The following TAX1BP1 variants were observed in gnomAD, a reference collection of about 807,000 sequenced individuals.
TAX1BP1 encodes the protein tax1-binding protein 1.
A neutral mutation model predicts 97.7 loss-of-function variants in TAX1BP1; 62 were observed. That is an observed-to-expected ratio of 0.63 (90% CI 0.52 to 0.78). The LOEUF (loss-of-function observed/expected upper bound fraction) is 0.78, where lower values mean the gene tolerates loss of function less well. Ranked by LOEUF, TAX1BP1 falls within the 30% of genes least tolerant of loss-of-function variation. The pLI is 0.00. For synonymous variants in TAX1BP1, 340 were observed against 304.2 expected, an observed-to-expected ratio of 1.12 and a Z score of -1.23; for missense variants, 867 against 916.1, an observed-to-expected ratio of 0.95 and a Z score of 0.69.
rs200880289 is a variant in TAX1BP1 at position 27,792,153 on chromosome 7, T to G, written c.1186T>G (p.Leu396Val). The G allele has an allele frequency of 7.2e-5, 116 of 1,613,846 alleles. No individual in the cohort carries two copies. Among genetic ancestry groups the G allele is most frequent in the East Asian group, 2.9e-4 (13 of 44,892 alleles). Reference protein sequence around the residue: ...RTMADLHTARLENEKVKKQLA... With the variant: ...RTMADLHTARVENEKVKKQLA... ...GATGGCAGACCTGCATACTGCACGC[T>G]TGGAAAACGAGAAAGTGAAAAAGCA... is the stretch of plus-strand genomic sequence containing the variant. The change falls in exon 9 of 17, where the codon TTG becomes GTG. Residue 396 changes from leucine to valine, a missense_variant. Around this residue, in one of 3 missense-constraint regions of TAX1BP1, gnomAD observed 822 missense variants for 851.4 expected, o/e 0.97. Coordinates refer to ENST00000396319, the MANE Select transcript of TAX1BP1 (RefSeq NM_006024.7).
intron 13 of TAX1BP1, 127 bp from the exon 14 acceptor site, chr7:27,816,222 C>A: frequency 1.4e-6 from 1 of 733,122 alleles, no homozygotes; most frequent in Non-Finnish European, 2.1e-6. Context: ...ACTGTGTTTC[C>A]AATTGCATTC....
At chr7:27,797,719 G>C (rs1246827156) in intron 12 of TAX1BP1, among the ~76,000 whole-genome samples, 1 of 151,574 alleles carries the variant, frequency 6.6e-6, no homozygotes, top group Non-Finnish European at 1.5e-5. Context: ...GTAGTTTTTT[G>C]TAAGAGTGAA....
intron 13 of TAX1BP1, among the ~76,000 whole-genome samples, chr7:27,815,837 C>T (rs1790746068): frequency 6.6e-6 from 1 of 152,030 alleles, no homozygotes; most frequent in Non-Finnish European, 1.5e-5. Context: ...AGTTCAAGAC[C>T]AGCCTGACCA....
At chr7:27,804,196 A>T (rs976780587) in intron 13 of TAX1BP1, among the ~76,000 whole-genome samples, 1 of 152,232 alleles carries the variant, frequency 6.6e-6, no homozygotes, top group Non-Finnish European at 1.5e-5. Context: ...GAAGATCCAC[A>T]TAACTCAGTG....
intron 1 of TAX1BP1, among the ~76,000 whole-genome samples, chr7:27,745,866 AC>A (rs1245354809): frequency 1.3e-5 from 2 of 151,980 alleles, no homozygotes; most frequent in Non-Finnish European, 1.5e-5. Context: ...CTTTTTACAC[AC>A]ATCCCTTATA....
intron 2 of TAX1BP1, among the ~76,000 whole-genome samples, chr7:27,756,319 CCTCT>C (rs770170054): frequency 9.9e-5 from 15 of 152,080 alleles, no homozygotes; most frequent in Non-Finnish European, 1.5e-5. Flanking sequence ...CCAACATGCC[CCTCT>C]CTAAGTAACT....
chr7:27,782,483 C>T (rs868130085), intron 5 of TAX1BP1, among the ~76,000 whole-genome samples: 7 of 152,020 alleles, frequency 4.6e-5, no homozygotes, highest in Non-Finnish European at 8.8e-5. Context: ...CTACTGACCT[C>T]AGGTGACCCA....
chr7:27,822,387 C>G (rs1383648346), intron 15 of TAX1BP1, among the ~76,000 whole-genome samples: 2 of 152,120 alleles, frequency 1.3e-5, no homozygotes, highest in Non-Finnish European at 2.9e-5. Context: ...AGTGGAAATC[C>G]TAGGAGTGGA....
chr7:27,828,728 T>A lies in TAX1BP1; in HGVS notation c.2269T>A (p.Cys757Ser). Residue 757 changes from cysteine to serine, a missense_variant, in exon 17 of 17, where the codon TGC becomes AGC. Physicochemically the swap from Cys to Ser is moderately radical, Grantham distance 112 (BLOSUM62 -1). Transcript: ENST00000396319. ...EEHVESHWKV[C>S]PMCSEQFPPD... Reference sequence around the variant, plus strand: ...ACATGTTGAAAGTCACTGGAAGGTGTGCCCGATGTGCAGCGAGCAGTTCCC... The same window carrying A: ...ACATGTTGAAAGTCACTGGAAGGTGAGCCCGATGTGCAGCGAGCAGTTCCC... 2 of 1,614,154 alleles carry A rather than the reference T, an allele frequency of 1.2e-6. No homozygotes were observed. Among genetic ancestry groups the A allele is most frequent in the Non-Finnish European group, 1.7e-6 (2 of 1,180,002 alleles).
At chr7:27,799,942 G>C (rs1483935635) in intron 12 of TAX1BP1, 23 bp from the exon 13 acceptor site, 2 of 1,564,398 alleles carry the variant, frequency 1.3e-6, no homozygotes, top group Non-Finnish European at 1.7e-6. Context: ...AAATCTTTTG[G>C]TAATTATACT....
intron 13 of TAX1BP1, among the ~76,000 whole-genome samples, chr7:27,810,646 G>C (rs1415358246): frequency 6.6e-6 from 1 of 152,084 alleles, no homozygotes; most frequent in Non-Finnish European, 1.5e-5. Context: ...CCTTCAACTT[G>C]TCTTTTCAGC....
chr7:27,740,765 G>GT (rs1787553620), intron 1 of TAX1BP1, among the ~76,000 whole-genome samples: 1 of 152,228 alleles, frequency 6.6e-6, no homozygotes, highest in African/African-American at 2.4e-5. Flanking sequence ...AAACCCAGCT[G>GT]TTTTGGTTTG....
intron 15 of TAX1BP1, among the ~76,000 whole-genome samples, chr7:27,817,583 A>G (rs1049582219): frequency 6.6e-6 from 1 of 152,088 alleles, no homozygotes; most frequent in Non-Finnish European, 1.5e-5. Flanking sequence ...TTTAGGTAGG[A>G]TTTCTTATTC....
chr7:27,817,007 C>T lies in TAX1BP1; in HGVS notation c.2054C>T (p.Pro685Leu). The T allele has an allele frequency of 6.2e-7, 1 of 1,613,952 alleles. No individual in the cohort carries two copies. Among genetic ancestry groups the T allele is most frequent in the Non-Finnish European group, 8.5e-7 (1 of 1,179,954 alleles). The change falls in exon 15 of 17, where the codon CCT (proline) becomes CTT (leucine). Residue 685 changes from proline (P) to leucine (L), a missense_variant. This residue lies in a region of TAX1BP1 where 822 missense variants were observed against 851.4 expected (regional missense o/e 0.97). Transcript: ENST00000396319. The stretch of plus-strand genomic sequence containing the variant: ...CAGCCTGCTCGAAACTTTAGTCGGC[C>T]TGATGGCTTAGAGGACTCTGAGGAT... ...CSQPARNFSR[P>L]DGLEDSEDSK...
At chr7:27,794,145 G>A (rs1789825215) in intron 10 of TAX1BP1, among the ~76,000 whole-genome samples, 178 bp from the exon 11 acceptor site, 1 of 152,194 alleles carries the variant, frequency 6.6e-6, no homozygotes, top group Non-Finnish European at 1.5e-5. Context: ...ATTTAGGTCA[G>A]TTAGCAAAAT....
At chr7:27,743,148 G>A (rs1787683497) in intron 1 of TAX1BP1, among the ~76,000 whole-genome samples, 1 of 152,216 alleles carries the variant, frequency 6.6e-6, no homozygotes, top group Admixed American at 6.5e-5. Context: ...AGTGGTGCGG[G>A]TGATACCTGG....
Position 27,779,752 on chromosome 7 carries a change from C to T in TAX1BP1, c.613-5411C>T, listed in dbSNP as rs183276673. On this transcript the variant is annotated intron_variant, in intron 5 of 16. Coordinates refer to ENST00000396319, the MANE Select transcript of TAX1BP1 (RefSeq NM_006024.7). ...AGTCATTGAAGTCTGGGGAGGGGATCGCAGATTTGCTTTGCATGATTATTC... is the reference window on the plus strand; with the variant it reads ...AGTCATTGAAGTCTGGGGAGGGGATTGCAGATTTGCTTTGCATGATTATTC... Among the ~76,000 whole-genome samples, 18 of 152,196 alleles carry T rather than the reference C, an allele frequency of 1.2e-4. No individual in the cohort carries two copies. In the East Asian group the frequency reaches 2.7e-3, roughly 23 times the overall value.
At chr7:27,765,504 A>G (rs1002520471) in intron 3 of TAX1BP1, among the ~76,000 whole-genome samples, 3 of 152,092 alleles carry the variant, frequency 2.0e-5, no homozygotes, top group Non-Finnish European at 4.4e-5. Flanking sequence ...GTAGACTTTT[A>G]TATTGGTTCT....
At chr7:27,794,297 T>A (rs779025227) in intron 10 of TAX1BP1, 26 bp from the exon 11 acceptor site, 1 of 1,580,720 alleles carries the variant, frequency 6.3e-7, no homozygotes, top group Non-Finnish European at 8.6e-7. Context: ...TTGACTCATT[T>A]AACAACTTAT....
Sources: gnomAD v4.1 joint callset for allele counts (sites outside exome capture counted in the v4.1 genomes callset) on GRCh38, gnomAD v4.1.1 for gene constraint, gnomAD v4.1.1 regional missense constraint, MANE v1.5 for transcripts, NCBI Gene and HGNC (gene_info 2026-07-23, HGNC 2026-07-21) for gene names.